LPP: variants seen among roughly 807,000 people sequenced by gnomAD.
LPP encodes lipoma-preferred partner.
LPP carries 38 observed loss-of-function variants against 60.4 expected under a neutral mutation model. That is an observed-to-expected ratio of 0.63 (90% CI 0.49 to 0.83). The LOEUF (loss-of-function observed/expected upper bound fraction) is 0.83, where lower values mean the gene tolerates loss of function less well. Among genes scored for constraint, LPP ranks in the 40% least tolerant of loss-of-function variants. The pLI, the probability that LPP is intolerant of heterozygous loss-of-function variation, is 0.00. For synonymous variants in LPP, 328 were observed against 290.8 expected, an observed-to-expected ratio of 1.13 and a Z score of -1.30; for missense variants, 902 against 783.6, an observed-to-expected ratio of 1.15 and a Z score of -1.80.
At chr3:188,451,971 G>A (rs143553543) in intron 4 of LPP, among the ~76,000 whole-genome samples, 5 of 152,194 alleles carry the variant, frequency 3.3e-5, no homozygotes, top group South Asian at 2.1e-4. Context: ...AGATGAGGCC[G>A]AAAAAATAGG....
At chr3:188,474,725 A>C (rs975147597) in intron 4 of LPP, among the ~76,000 whole-genome samples, 1 of 152,188 alleles carries the variant, frequency 6.6e-6, no homozygotes, top group Non-Finnish European at 1.5e-5. Flanking sequence ...CCATCACATG[A>C]ATTTTTAGAT....
chr3:188,720,378 C>G (rs1402702709), intron 8 of LPP, among the ~76,000 whole-genome samples: 1 of 152,144 alleles, frequency 6.6e-6, no homozygotes, highest in African/African-American at 2.4e-5. Context: ...TGATAGAGAA[C>G]AGATTTCACA....
At chr3:188,769,720 G>T (rs73888891) in intron 9 of LPP, among the ~76,000 whole-genome samples, 2 of 152,274 alleles carry the variant, frequency 1.3e-5, no homozygotes, top group East Asian at 3.9e-4. Flanking sequence ...GGCCTTCAAA[G>T]AACTACTTTC....
At chr3:188,439,779 C>T (rs79448857) in intron 4 of LPP, among the ~76,000 whole-genome samples, 1,800 of 152,290 alleles carry the variant, frequency 0.012, 33 homozygotes, top group African/African-American at 0.041. Flanking sequence ...CCTTGGGAAC[C>T]TTCTATCCTA....
intron 7 of LPP, among the ~76,000 whole-genome samples, chr3:188,676,673 G>A (rs910186811): frequency 1.3e-5 from 2 of 152,118 alleles, no homozygotes; most frequent in African/African-American, 4.8e-5. Context: ...CTGCATTAAA[G>A]ACCAATGTGG....
chr3:188,272,503 C>A (rs1365661764), intron 2 of LPP, among the ~76,000 whole-genome samples: 1 of 152,184 alleles, frequency 6.6e-6, no homozygotes, highest in African/African-American at 2.4e-5. Context: ...GAAGCGTTTG[C>A]TTCCATGTGT....
intron 9 of LPP, among the ~76,000 whole-genome samples, chr3:188,863,745 C>CT (rs1024275531): frequency 6.6e-6 from 1 of 152,078 alleles, no homozygotes; most frequent in Non-Finnish European, 1.5e-5. Context: ...ACATTTTATA[C>CT]TTTTTTTCCT....
chr3:188,646,978 C>A (rs1851219055), intron 7 of LPP, among the ~76,000 whole-genome samples: 2 of 152,256 alleles, frequency 1.3e-5, no homozygotes, highest in Admixed American at 6.5e-5. Flanking sequence ...ATGTGCCAAG[C>A]AGAGTGTTGC....
At chr3:188,815,425 A>T (rs1373678433) in intron 9 of LPP, among the ~76,000 whole-genome samples, 1 of 152,162 alleles carries the variant, frequency 6.6e-6, no homozygotes, top group African/African-American at 2.4e-5. Context: ...AAAGCACTTC[A>T]TCTTAGACTC....
chr3:188,874,201 G>T, intron 11 of LPP, 150 bp from the exon 12 acceptor site: 1 of 589,522 alleles, frequency 1.7e-6, no homozygotes. Context: ...TTGGGAGAAA[G>T]GATACAGGGG....
intron 4 of LPP, among the ~76,000 whole-genome samples, chr3:188,414,598 G>T (rs1006337338): frequency 6.6e-6 from 1 of 152,086 alleles, no homozygotes; most frequent in African/African-American, 2.4e-5. Flanking sequence ...TATATAAACT[G>T]TAAAATTCTA....
intron 2 of LPP, among the ~76,000 whole-genome samples, chr3:188,283,738 A>G (rs1241815918): frequency 3.9e-5 from 6 of 152,070 alleles, no homozygotes; most frequent in African/African-American, 1.5e-4. Flanking sequence ...TATAAAATGG[A>G]GACACTAATC....
intron 3 of LPP, among the ~76,000 whole-genome samples, chr3:188,394,506 A>G (rs1212407171): frequency 1.3e-5 from 2 of 150,882 alleles, no homozygotes; most frequent in African/African-American, 4.9e-5. Context: ...AAACTTCTGT[A>G]TTGGTGAATG....
chr3:188,472,482 A>T lies in LPP; in HGVS notation c.194-12110A>T, dbSNP rs1377689005. 4 of 152,204 alleles carry T rather than the reference A, an allele frequency of 2.6e-5. No individual in the cohort carries two copies. The East Asian group carries it at 7.7e-4, about 29-fold the overall frequency. 9.4% of individuals were successfully genotyped at this position (152,204 alleles called of 1,614,324 possible). A position where few individuals can be genotyped will look rare whatever the true frequency, so the allele number is the denominator to read the frequency against. ...AGCATTCATGCATTTGCTAAGCTTC[A>T]GACTTGATGAAATAAATGTCAGGGT... On this transcript the variant is annotated intron_variant, in intron 4 of 11. Coordinates refer to ENST00000617246, the MANE Select transcript of LPP (RefSeq NM_001375462.1).
At chr3:188,427,509 C>A (rs148936613) in intron 4 of LPP, among the ~76,000 whole-genome samples, 1 of 152,112 alleles carries the variant, frequency 6.6e-6, no homozygotes, top group Admixed American at 6.6e-5. Context: ...TTGCTCTTCT[C>A]GAGGAGTATC....
At chr3:188,234,500 A>C (rs762693312) in intron 2 of LPP, among the ~76,000 whole-genome samples, 16 of 152,142 alleles carry the variant, frequency 1.1e-4, no homozygotes, top group Non-Finnish European at 2.2e-4. Context: ...AGGTGATTTA[A>C]ATGTCTCTTT....
Position 188,559,812 on chromosome 3 carries a change from CAT to C in LPP, c.429+35027_429+35028del, listed in dbSNP as rs146632702. Among the ~76,000 whole-genome samples the C allele has an allele frequency of 8.5e-3, 1,297 of 152,250 alleles. 15 individuals carry two copies. The highest frequency in any genetic ancestry group is 0.028 in the African/African-American group (1,178 of 41,578). ...CGAGAATATAAAAACACTTACCTCACATAAACTCACTTAAGAAAATGTGAATG... is the reference window on the plus strand; with the variant it reads ...CGAGAATATAAAAACACTTACCTCACAAACTCACTTAAGAAAATGTGAATG... On this transcript the variant is annotated intron_variant, in intron 6 of 11. Transcript: ENST00000617246.
intron 9 of LPP, among the ~76,000 whole-genome samples, chr3:188,830,140 A>G (rs1444132052): frequency 1.3e-5 from 2 of 152,150 alleles, no homozygotes. Flanking sequence ...TGTGAAAGAT[A>G]GAAATGGACA....
intron 9 of LPP, among the ~76,000 whole-genome samples, chr3:188,763,570 T>C (rs968566123): frequency 6.6e-6 from 1 of 152,184 alleles, no homozygotes; most frequent in East Asian, 1.9e-4. Context: ...TGATTCAGTA[T>C]AGCATTGTAA....
Sources: allele counts gnomAD v4.1 joint callset (sites outside exome capture counted in the v4.1 genomes callset), GRCh38; gene constraint gnomAD v4.1.1; transcripts MANE v1.5; gene names NCBI Gene and HGNC (gene_info 2026-07-23, HGNC 2026-07-21).